DPYD: variants seen among roughly 807,000 people sequenced by gnomAD.
The protein encoded by DPYD is dihydropyrimidine dehydrogenase, also known as dihydropyrimidine dehydrogenase [NADP(+)].
A neutral mutation model predicts 116.2 loss-of-function variants in DPYD; 109 were observed. That is an observed-to-expected ratio of 0.94 (90% CI 0.80 to 1.10). DPYD has a LOEUF of 1.10. Ranked by LOEUF, DPYD falls within the 50% of genes least tolerant of loss-of-function variation. The pLI, the probability that DPYD is intolerant of heterozygous loss-of-function variation, is 0.00. For synonymous variants in DPYD, 440 were observed against 432.0 expected (o/e 1.02, Z -0.23); for missense variants, 1,302 against 1,254.5 (o/e 1.04, Z -0.57).
intron 1 of DPYD, among the ~76,000 whole-genome samples, chr1:97,906,352 G>A (rs1673619698): frequency 6.6e-6 from 1 of 151,950 alleles, no homozygotes; most frequent in African/African-American, 2.4e-5. Context: ...CCATAATTCT[G>A]AACCATCATC....
intron 3 of DPYD, among the ~76,000 whole-genome samples, chr1:97,778,700 A>C (rs942845515): frequency 6.6e-6 from 1 of 152,126 alleles, no homozygotes; most frequent in Non-Finnish European, 1.5e-5. Flanking sequence ...TTGCTGTATC[A>C]ATATATATAG....
At chr1:97,102,543 G>T in intron 20 of DPYD, among the ~76,000 whole-genome samples, 1 of 149,378 alleles carries the variant, frequency 6.7e-6, no homozygotes, top group Non-Finnish European at 1.5e-5. Context: ...CTATACAACT[G>T]ACAGACTAAA....
chr1:97,296,227 A>G (rs1207915453), intron 18 of DPYD: 1 of 152,192 alleles, frequency 6.6e-6, no homozygotes, highest in Non-Finnish European at 1.5e-5. Context: ...ATTCTTGCAA[A>G]TCAGGTAAAA....
chr1:97,412,746 T>G (rs1004648372), intron 14 of DPYD, among the ~76,000 whole-genome samples: 4 of 152,190 alleles, frequency 2.6e-5, no homozygotes, highest in African/African-American at 9.6e-5. Context: ...CACTGATTGT[T>G]TTCATTAATT....
At chr1:97,203,793 C>CAAAAAAA (rs56819543) in intron 19 of DPYD, among the ~76,000 whole-genome samples, 35 of 65,700 alleles carry the variant, frequency 5.3e-4, no homozygotes, top group Non-Finnish European at 8.2e-4. Context: ...ATTCACATTC[C>CAAAAAAA]AAAAAAAAAA....
chr1:97,549,731 C>T lies in DPYD; in HGVS notation c.1353G>A (p.Leu451=), dbSNP rs1261760404. Residue 451 remains leucine, a synonymous_variant, in exon 12 of 23, where the codon TTG becomes TTA. Coordinates refer to ENST00000370192, the MANE Select transcript of DPYD (RefSeq NM_000110.4). ...CCCATCTGTTAAATTTTATAGGGCTCAAGGCTTCTTTTACTGAAAAAACAA... is the reference window on the plus strand; with the variant it reads ...CCCATCTGTTAAATTTTATAGGGCTTAAGGCTTCTTTTACTGAAAAAACAA... ...VLSDPKVKEA[L]SPIKFNRWGL... 1 of 1,613,532 alleles carries T rather than the reference C, an allele frequency of 6.2e-7. No individual in the cohort carries two copies. Among genetic ancestry groups the T allele is most frequent in the Non-Finnish European group, 8.5e-7 (1 of 1,179,730 alleles).
intron 16 of DPYD, among the ~76,000 whole-genome samples, chr1:97,359,871 C>T (rs1670627388): frequency 6.6e-6 from 1 of 152,120 alleles, no homozygotes; most frequent in Non-Finnish European, 1.5e-5. Flanking sequence ...ATTGTAAAGA[C>T]CATCAATGCT....
chr1:97,218,625 T>TCCA, intron 19 of DPYD, among the ~76,000 whole-genome samples: 1 of 151,284 alleles, frequency 6.6e-6, no homozygotes, highest in Non-Finnish European at 1.5e-5. Context: ...TTTTCTAATC[T>TCCA]TGGACGATGG....
chr1:97,656,882 A>C (rs907197708), intron 8 of DPYD, among the ~76,000 whole-genome samples: 28 of 150,320 alleles, frequency 1.9e-4, no homozygotes, highest in Non-Finnish European at 7.4e-5. Context: ...GACTTTGCTT[A>C]CTATAAATGG....
chr1:97,162,596 C>T (rs887086790), intron 20 of DPYD, among the ~76,000 whole-genome samples: 1 of 151,948 alleles, frequency 6.6e-6, no homozygotes, highest in Non-Finnish European at 1.5e-5. Context: ...CATCAAGCTA[C>T]CAATGACTTT....
chr1:97,374,378 C>T (rs1370760315), intron 15 of DPYD, among the ~76,000 whole-genome samples: 3 of 151,970 alleles, frequency 2.0e-5, no homozygotes, highest in East Asian at 1.9e-4. Context: ...TCTTAGAATT[C>T]GTGGGAAGTC....
intron 1 of DPYD, among the ~76,000 whole-genome samples, chr1:97,900,148 G>A (rs1673289433): frequency 6.6e-6 from 1 of 151,816 alleles, no homozygotes; most frequent in Non-Finnish European, 1.5e-5. Context: ...TGTTTTTCCT[G>A]TTCTTCTCTG....
intron 8 of DPYD, among the ~76,000 whole-genome samples, chr1:97,603,158 G>A (rs572964070): frequency 3.9e-5 from 6 of 151,910 alleles, no homozygotes; most frequent in South Asian, 2.1e-4. Context: ...CAAACAATAC[G>A]CCTCAGGCAA....
intron 20 of DPYD, among the ~76,000 whole-genome samples, chr1:97,109,199 T>C (rs976228104): frequency 1.3e-5 from 2 of 152,082 alleles, no homozygotes; most frequent in East Asian, 1.9e-4. Flanking sequence ...TAAAGCATTA[T>C]AGAACCAAAG....
At chr1:97,798,282 A>T (rs1039695635) in intron 3 of DPYD, among the ~76,000 whole-genome samples, 6 of 152,016 alleles carry the variant, frequency 3.9e-5, no homozygotes, top group Non-Finnish European at 7.4e-5. Context: ...GTTATAGAAA[A>T]TTAAAAATGT....
chr1:97,647,419 T>C (rs1658330511), intron 8 of DPYD, among the ~76,000 whole-genome samples: 1 of 151,972 alleles, frequency 6.6e-6, no homozygotes, highest in Admixed American at 6.6e-5. Context: ...TAGGAGATCA[T>C]GAAGAAAACA....
At chr1:97,552,549 T>G (rs186108144) in intron 11 of DPYD, among the ~76,000 whole-genome samples, 1 of 152,124 alleles carries the variant, frequency 6.6e-6, no homozygotes, top group Non-Finnish European at 1.5e-5. Flanking sequence ...CTATTGTATA[T>G]GCATTGTGTT....
chr1:97,105,321 G>C (rs1171615682), intron 20 of DPYD, among the ~76,000 whole-genome samples: 1 of 152,064 alleles, frequency 6.6e-6, no homozygotes, highest in Non-Finnish European at 1.5e-5. Context: ...GAGAGGGCAA[G>C]AGAGAAGGAG....
intron 13 of DPYD, among the ~76,000 whole-genome samples, chr1:97,506,342 C>T (rs80187789): frequency 1.9e-3 from 284 of 151,996 alleles, no homozygotes; most frequent in African/African-American, 6.4e-3. Flanking sequence ...CAACTAATTT[C>T]AACCAAAGAT....
Sources: allele counts gnomAD v4.1 joint callset (sites outside exome capture counted in the v4.1 genomes callset), GRCh38; gene constraint gnomAD v4.1.1; transcripts MANE v1.5; gene names NCBI Gene and HGNC (gene_info 2026-07-23, HGNC 2026-07-21).